Variants in KMT2C observed in about 807,000 individuals in gnomAD.
KMT2C encodes lysine methyltransferase 2C.
Under a neutral mutation model 507.9 loss-of-function variants are expected in KMT2C, and 88 were observed. The ratio of observed to expected loss-of-function variants is 0.17; its 90% CI spans 0.15 to 0.21. The LOEUF is 0.21. Ranked by LOEUF, KMT2C falls within the 10% of genes least tolerant of loss-of-function variation. The pLI is 1.00. For synonymous variants in KMT2C, 2,049 were observed against 2,080.8 expected (o/e 0.98, Z 0.42); for missense variants, 4,954 against 5,957.8 (o/e 0.83, Z 5.55).
chr7:152,185,308 A>G (rs1404728088), intron 34 of KMT2C, among the ~76,000 whole-genome samples: 1 of 151,884 alleles, frequency 6.6e-6, no homozygotes. Context: ...GAAATGAATT[A>G]CTCCTTCCCC....
chr7:152,319,973 C>A (rs941046665), intron 3 of KMT2C, among the ~76,000 whole-genome samples: 1 of 151,980 alleles, frequency 6.6e-6, no homozygotes, highest in Non-Finnish European at 1.5e-5. Context: ...TACATATCTG[C>A]GCAGCCTGGC....
chr7:152,352,212 C>T (rs572737104), intron 2 of KMT2C, among the ~76,000 whole-genome samples: 143 of 152,260 alleles, frequency 9.4e-4, no homozygotes, highest in African/African-American at 2.6e-3. Flanking sequence ...TCTCCCGTAG[C>T]GCTCCCAGGC....
intron 55 of KMT2C, among the ~76,000 whole-genome samples, chr7:152,141,428 G>A (rs1232884064): frequency 2.0e-5 from 3 of 151,892 alleles, no homozygotes; most frequent in African/African-American, 7.3e-5. Context: ...AGAAGAAAAA[G>A]GCCAGGTGCG....
chr7:152,139,084 G>A (rs1399935245), intron 57 of KMT2C, 102 bp downstream of exon 57: 24 of 1,175,928 alleles, frequency 2.0e-5, no homozygotes, highest in African/African-American at 4.5e-5. Flanking sequence ...TTTAGTCACC[G>A]CCAGGCTGCC....
chr7:152,152,269 C>T (rs909543489), intron 49 of KMT2C, among the ~76,000 whole-genome samples: 3 of 152,062 alleles, frequency 2.0e-5, no homozygotes, highest in African/African-American at 7.2e-5. Flanking sequence ...AGAGAAGGGC[C>T]CTATAGAGCT....
At chr7:152,254,321 A>G (rs1176782453) in intron 9 of KMT2C, among the ~76,000 whole-genome samples, 1 of 152,142 alleles carries the variant, frequency 6.6e-6, no homozygotes, top group Admixed American at 6.5e-5. Context: ...GAAAAGAAAA[A>G]CAATCCTAAA....
In KMT2C at chr7:152,205,233, A is replaced by G; in HGVS notation, c.3842-8T>C. 1.9e-6 allele frequency: 3 copies of G among 1,610,352 alleles called. No individual in the cohort carries two copies. The highest frequency in any genetic ancestry group is 2.5e-6 in the Non-Finnish European group (3 of 1,178,440). On this transcript the variant is annotated splice_polypyrimidine_tract_variant and splice_region_variant and intron_variant, in intron 24 of 58. Coordinates refer to ENST00000262189, the MANE Select transcript of KMT2C (RefSeq NM_170606.3). ...CCATAAATCCACCAATACCTATCCA[A>G]AAAAGAAATTAGGTAAACTGATAAG...
intron 6 of KMT2C, among the ~76,000 whole-genome samples, chr7:152,306,112 CT>C (rs1252752756): frequency 6.6e-6 from 1 of 152,086 alleles, no homozygotes; most frequent in Non-Finnish European, 1.5e-5. Flanking sequence ...CTGTACAGTT[CT>C]TTTTGCCTCT....
intron 27 of KMT2C, among the ~76,000 whole-genome samples, chr7:152,198,649 T>G (rs780337342): frequency 1.3e-5 from 2 of 152,186 alleles, no homozygotes; most frequent in Non-Finnish European, 2.9e-5. Flanking sequence ...TGATTGTTAA[T>G]AGTTCCTGCA....
chr7:152,368,737 G>A, intron 1 of KMT2C: 1 of 1,017,550 alleles, frequency 9.8e-7, no homozygotes, highest in Non-Finnish European at 1.5e-6. Context: ...GGATCCGTTT[G>A]ACCAATATGC....
At chr7:152,376,666 G>GC (rs2097330478) in intron 1 of KMT2C, among the ~76,000 whole-genome samples, 1 of 152,178 alleles carries the variant, frequency 6.6e-6, no homozygotes, top group South Asian at 2.1e-4. Context: ...AAAACTGGAA[G>GC]CAAGTAGAGA....
At chr7:152,257,886 A>AC (rs2095688236) in intron 9 of KMT2C, among the ~76,000 whole-genome samples, 2 of 147,778 alleles carry the variant, frequency 1.4e-5, no homozygotes, top group African/African-American at 2.7e-5. Context: ...CACACACACA[A>AC]AAAAAACACC....
At chr7:152,361,563 C>CA (rs1296583984) in intron 1 of KMT2C, among the ~76,000 whole-genome samples, 6 of 145,450 alleles carry the variant, frequency 4.1e-5, no homozygotes, top group East Asian at 4.0e-4. Context: ...AACTCCGTCT[C>CA]AAAAAAAAAG....
chr7:152,255,109 T>TTATATATATATATA lies in KMT2C; in HGVS notation c.1300-2408_1300-2395dup, dbSNP rs1207305132. Among the ~76,000 whole-genome samples the TTATATATATATATA allele has an allele frequency of 2.1e-3, 167 of 78,324 alleles. 2 individuals are homozygous for TTATATATATATATA. Among genetic ancestry groups the TTATATATATATATA allele is most frequent in the South Asian group, 2.7e-3 (6 of 2,236 alleles). The allele number at this position is 78,324 out of a possible 152,430, so 51.4% of individuals were successfully genotyped here. On this transcript the variant is annotated intron_variant, in intron 9 of 58. Coordinates refer to ENST00000262189, the MANE Select transcript of KMT2C (RefSeq NM_170606.3). Reference sequence around the variant, plus strand: ...AATCAAGATGTCAATCAACTCTCACTTATATATATATATATATATATATAT... The same window carrying TTATATATATATATA: ...AATCAAGATGTCAATCAACTCTCACTTATATATATATATATATATATATATATATATATATATAT...
intron 33 of KMT2C, among the ~76,000 whole-genome samples, chr7:152,186,879 A>G (rs2093643079): frequency 6.6e-6 from 1 of 152,112 alleles, no homozygotes; most frequent in African/African-American, 2.4e-5. Flanking sequence ...AAGGGAAGAC[A>G]ATATTGAATT....
intron 6 of KMT2C, among the ~76,000 whole-genome samples, chr7:152,299,655 T>C (rs1589024592): frequency 6.6e-6 from 1 of 151,724 alleles, no homozygotes; most frequent in Non-Finnish European, 1.5e-5. Context: ...TCTTGGCAGG[T>C]GGGGGATGCA....
chr7:152,209,766 T>C (rs1157229057), intron 23 of KMT2C, among the ~76,000 whole-genome samples: 2 of 118,814 alleles, frequency 1.7e-5, no homozygotes, highest in East Asian at 2.5e-4. Context: ...AAAAAGACAA[T>C]AGGAAAGGAG....
At chr7:152,424,529 C>A (rs1015613036) in intron 1 of KMT2C, among the ~76,000 whole-genome samples, 2 of 152,008 alleles carry the variant, frequency 1.3e-5, no homozygotes, top group African/African-American at 4.8e-5. Flanking sequence ...CTTGACCAAT[C>A]CTCCCACCTC....
At chr7:152,207,556 A>C in intron 23 of KMT2C, 128 bp from the exon 24 acceptor site, 1 of 739,290 alleles carries the variant, frequency 1.4e-6, no homozygotes, top group Non-Finnish European at 2.2e-6. Flanking sequence ...TGGTAGGGAA[A>C]GTATGAAAGG....
Sources: allele counts gnomAD v4.1 joint callset (sites outside exome capture counted in the v4.1 genomes callset), GRCh38; gene constraint gnomAD v4.1.1; transcripts MANE v1.5; gene names NCBI Gene and HGNC (gene_info 2026-07-23, HGNC 2026-07-21).